The following MICAL3 variants were observed in gnomAD, a reference collection of about 807,000 sequenced individuals.
MICAL3 encodes the protein microtubule associated monooxygenase, calponin and LIM domain containing 3.
Under a neutral mutation model 207.4 loss-of-function variants are expected in MICAL3, and 62 were observed. The ratio of observed to expected loss-of-function variants is 0.30; its 90% CI spans 0.24 to 0.37. The LOEUF is 0.37. Among genes scored for constraint, MICAL3 ranks in the 10% least tolerant of loss-of-function variants. MICAL3 has a pLI of 1.00. For synonymous variants in MICAL3, 1,077 were observed against 1,069.3 expected (o/e 1.01, Z -0.14); for missense variants, 2,368 against 2,635.6 (o/e 0.90, Z 2.22).
At chr22:17,834,461 A>T (rs1043919846) in intron 20 of MICAL3, 3 of 1,281,592 alleles carry the variant, frequency 2.3e-6, no homozygotes, top group Non-Finnish European at 1.0e-6. Context: ...CACATCTGTG[A>T]TCCCAGCACT....
In MICAL3 at chr22:17,935,007, C is replaced by T. The variant is rs370731830; in HGVS notation, c.-74-28121G>A. 1.5e-3 allele frequency among the ~76,000 whole-genome samples: 224 copies of T among 151,898 alleles called. 3 individuals carry two copies. In the South Asian group the frequency reaches 0.02, roughly 14 times the overall value. On this transcript the variant is annotated intron_variant, in intron 1 of 31. Coordinates refer to ENST00000441493, the MANE Select transcript of MICAL3 (RefSeq NM_015241.3). ...TTCCATGCTCATGGATAGGAAGAAT[C>T]AATATCATGAAAATTAATGCCATCC...
At chr22:17,854,266 C>T (rs1925661825) in intron 19 of MICAL3, among the ~76,000 whole-genome samples, 2 of 152,090 alleles carry the variant, frequency 1.3e-5, no homozygotes, top group Admixed American at 1.3e-4. Flanking sequence ...GCCAGGGACA[C>T]ACCCGACACA....
intron 1 of MICAL3, among the ~76,000 whole-genome samples, chr22:17,929,566 TTC>T (rs1303731133): frequency 1.2e-4 from 11 of 94,342 alleles, no homozygotes; most frequent in South Asian, 3.7e-4. Flanking sequence ...TCCTTTTCTT[TTC>T]TTTTTTTTTT....
chr22:17,810,597 C>G, intron 28 of MICAL3, 106 bp downstream of exon 28: 1 of 903,706 alleles, frequency 1.1e-6, no homozygotes, highest in Non-Finnish European at 1.8e-6. Flanking sequence ...TCTACCTCTG[C>G]TCTGCTCTGC....
intron 1 of MICAL3, among the ~76,000 whole-genome samples, chr22:17,908,279 AAGG>A (rs1931888545): frequency 6.6e-6 from 1 of 152,232 alleles, no homozygotes; most frequent in Admixed American, 6.5e-5. Context: ...TGTGTAAGAC[AAGG>A]AGGTTAGACA....
In MICAL3 at chr22:17,817,930, T is replaced by C; in HGVS notation, c.4731A>G (p.Pro1577=). 7.4e-6 allele frequency: 12 copies of C among 1,612,426 alleles called. No homozygotes were observed. Among genetic ancestry groups the C allele is most frequent in the Non-Finnish European group, 9.3e-6 (11 of 1,179,766 alleles). ...RLPALEGTLQ[P]QKRGLPLVSA... ...ACACCAAGGGCAGCCCCCTCTTCTGTGGCTGCAGCGTCCCCTCCAGAGCAG... is the reference window on the plus strand; with the variant it reads ...ACACCAAGGGCAGCCCCCTCTTCTGCGGCTGCAGCGTCCCCTCCAGAGCAG... The change falls in exon 26 of 32, where the codon CCA becomes CCG. Residue 1577 remains proline (P), a synonymous_variant. Transcript: ENST00000441493.
In MICAL3 at chr22:17,810,801, T is replaced by C; in HGVS notation, c.5458A>G (p.Thr1820Ala). 6.2e-7 allele frequency: 1 copy of C among 1,613,738 alleles called. No homozygotes were observed. The highest frequency in any genetic ancestry group is 1.1e-5 in the South Asian group (1 of 91,082). Reference sequence around the variant, plus strand: ...AGCTTGGCATTCAGTTCCTCCTCCGTGTAGGTTCTTGGCTGGAGAGAACAA... The same window carrying C: ...AGCTTGGCATTCAGTTCCTCCTCCGCGTAGGTTCTTGGCTGGAGAGAACAA... The part of the protein sequence containing the change: ...QKSRREPRTY[T>A]EEELNAKLTR... Residue 1820 changes from threonine (T) to alanine (A), a missense_variant, in exon 28 of 32, where the codon ACG (threonine) becomes GCG (alanine). Coordinates refer to ENST00000441493, the MANE Select transcript of MICAL3 (RefSeq NM_015241.3).
intron 1 of MICAL3, among the ~76,000 whole-genome samples, chr22:17,977,670 A>C (rs1456275669): frequency 6.6e-6 from 1 of 152,184 alleles, no homozygotes; most frequent in Non-Finnish European, 1.5e-5. Flanking sequence ...AAAAAGTTAA[A>C]CATAGAGTTA....
In MICAL3 at chr22:17,887,241, A is replaced by G. The variant is rs772645382; in HGVS notation, c.2005-9T>C. ...TCCTTTTCCTTTTTATCCTGTACCA[A>G]GGGAGGAGGGAAACTGCATTATTCT... On this transcript the variant is annotated splice_polypyrimidine_tract_variant and intron_variant, in intron 14 of 31. Coordinates refer to ENST00000441493, the MANE Select transcript of MICAL3 (RefSeq NM_015241.3). 6.2e-7 allele frequency: 1 copy of G among 1,613,068 alleles called. No individual in the cohort carries two copies. The highest frequency in any genetic ancestry group is 1.1e-5 in the South Asian group (1 of 90,894).
At chr22:17,821,244 C>T (rs1334752200) in intron 25 of MICAL3, among the ~76,000 whole-genome samples, 183 bp downstream of exon 25, 1 of 152,018 alleles carries the variant, frequency 6.6e-6, no homozygotes, top group Non-Finnish European at 1.5e-5. Flanking sequence ...CTGTCATCAA[C>T]AGCTCCACTT....
At chr22:17,925,827 C>T (rs534104460) in intron 1 of MICAL3, among the ~76,000 whole-genome samples, 5 of 152,296 alleles carry the variant, frequency 3.3e-5, no homozygotes, top group African/African-American at 9.6e-5. Context: ...ACAGCCAAGG[C>T]ATCAAACACG....
intron 19 of MICAL3, chr22:17,863,106 G>T: frequency 1.0e-6 from 1 of 985,328 alleles, no homozygotes; most frequent in Non-Finnish European, 1.2e-6. Flanking sequence ...TAATTCTTTA[G>T]AACTCCTAAA....
chr22:17,818,003 G>A lies in MICAL3; in HGVS notation c.4658C>T (p.Pro1553Leu), dbSNP rs779936942. 3 of 1,612,310 alleles carry A rather than the reference G, an allele frequency of 1.9e-6. No individual in the cohort carries two copies. The highest frequency in any genetic ancestry group is 3.3e-4 in the Middle Eastern group (2 of 6,062). The change falls in exon 26 of 32, where the codon CCC (proline) becomes CTC (leucine). Residue 1553 changes from proline (P) to leucine (L), a missense_variant. Coordinates refer to ENST00000441493, the MANE Select transcript of MICAL3 (RefSeq NM_015241.3). ...CAGGGGCGGGTGGCGAGGCTTCTCG[G>A]GGCGCGGCCAGCAGGACGGGGGCGT... ...FFTPPSCWPR[P>L]EKPRHPPLAK...
chr22:18,008,135 G>A (rs1026406853), intron 1 of MICAL3, among the ~76,000 whole-genome samples: 3 of 151,984 alleles, frequency 2.0e-5, no homozygotes, highest in African/African-American at 7.3e-5. Context: ...AGCTACTCAG[G>A]AGGCTGAGGC....
intron 31 of MICAL3, 37 bp downstream of exon 31, chr22:17,790,961 C>T (rs748177601): frequency 6.2e-7 from 1 of 1,612,872 alleles, no homozygotes; most frequent in Non-Finnish European, 8.5e-7. Context: ...GGAGGTGGCA[C>T]CCACCCTGGC....
At position 17,845,195 on chromosome 22, in the gene MICAL3, A is replaced by C. The variant is rs139558904; in HGVS notation, c.2606-3178T>G. ...AAGTGGTATTTCTTTTAGATGGGAG[A>C]AGAAAAACAGGATAAGAACTATCAC... On this transcript the variant is annotated intron_variant, in intron 19 of 31. Coordinates refer to ENST00000441493, the MANE Select transcript of MICAL3 (RefSeq NM_015241.3). Among the ~76,000 whole-genome samples, 209 of 152,322 alleles carry C rather than the reference A, an allele frequency of 1.4e-3. 1 individual carries two copies. The highest frequency in any genetic ancestry group is 4.8e-3 in the African/African-American group (201 of 41,560).
chr22:17,870,259 C>T (rs535761622), intron 17 of MICAL3, among the ~76,000 whole-genome samples: 3 of 152,180 alleles, frequency 2.0e-5, no homozygotes, highest in Non-Finnish European at 4.4e-5. Flanking sequence ...TCTACTCAGT[C>T]ACCATACCCT....
intron 1 of MICAL3, among the ~76,000 whole-genome samples, chr22:17,957,822 G>T (rs1934707401): frequency 6.6e-6 from 1 of 151,664 alleles, no homozygotes; most frequent in African/African-American, 2.4e-5. Context: ...TGAAGAAGAT[G>T]AAATGGTACA....
intron 1 of MICAL3, among the ~76,000 whole-genome samples, chr22:17,945,550 C>G (rs1363041429): frequency 6.6e-6 from 1 of 152,210 alleles, no homozygotes; most frequent in Non-Finnish European, 1.5e-5. Context: ...AGTAAAACAG[C>G]AGGATTCACA....
Sources: gnomAD v4.1 joint callset for allele counts (sites outside exome capture counted in the v4.1 genomes callset) on GRCh38, gnomAD v4.1.1 for gene constraint, MANE v1.5 for transcripts, NCBI Gene and HGNC (gene_info 2026-07-23, HGNC 2026-07-21) for gene names.